The following SLC44A5 variants were observed in gnomAD, a reference collection of about 807,000 sequenced individuals.
SLC44A5 encodes choline transporter-like protein 5.
In SLC44A5, 57 loss-of-function variants were observed where a neutral mutation model predicts 101.8. That is an observed-to-expected ratio of 0.56 (90% CI 0.45 to 0.70). SLC44A5 has a LOEUF of 0.70. Among genes scored for constraint, SLC44A5 ranks in the 30% least tolerant of loss-of-function variants. The pLI is 0.00. For synonymous variants in SLC44A5, 281 were observed against 290.9 expected, an observed-to-expected ratio of 0.97 and a Z score of 0.35; for missense variants, 737 against 853.1, an observed-to-expected ratio of 0.86 and a Z score of 1.70.
intron 14 of SLC44A5, among the ~76,000 whole-genome samples, chr1:75,221,546 G>T (rs543697993): frequency 2.0e-5 from 3 of 152,142 alleles, no homozygotes; most frequent in African/African-American, 7.2e-5. Flanking sequence ...ATAGTCTGGT[G>T]CTCCTAGAAT....
intron 5 of SLC44A5, among the ~76,000 whole-genome samples, chr1:75,285,040 G>C (rs537315890): frequency 6.6e-6 from 1 of 151,940 alleles, no homozygotes; most frequent in African/African-American, 2.4e-5. Flanking sequence ...GATTTAGAAG[G>C]TTCCCTCTTT....
intron 5 of SLC44A5, among the ~76,000 whole-genome samples, chr1:75,279,027 C>T (rs1652165801): frequency 6.6e-6 from 1 of 152,014 alleles, no homozygotes. Context: ...TATCTATCAC[C>T]TCAAACCTTT....
At chr1:75,401,646 G>A (rs1457947527) in intron 2 of SLC44A5, among the ~76,000 whole-genome samples, 2 of 152,028 alleles carry the variant, frequency 1.3e-5, no homozygotes, top group Admixed American at 6.6e-5. Context: ...CTAGAGAAGT[G>A]GGATGGGAAG....
intron 4 of SLC44A5, 45 bp from the exon 5 acceptor site, chr1:75,300,730 G>A (rs1654392275): frequency 7.5e-7 from 1 of 1,333,824 alleles, no homozygotes. Flanking sequence ...GGTCCCAAAT[G>A]ACTTCCTGTT....
intron 23 of SLC44A5, chr1:75,205,130 C>T (rs916984573): frequency 1.3e-5 from 2 of 152,138 alleles, no homozygotes; most frequent in African/African-American, 4.8e-5. Context: ...AGCTGGTAGT[C>T]ATTATATATT....
At chr1:75,464,751 T>C (rs541620071) in intron 2 of SLC44A5, among the ~76,000 whole-genome samples, 47 of 152,160 alleles carry the variant, frequency 3.1e-4, no homozygotes, top group African/African-American at 1.1e-3. Context: ...TCAGACAAAA[T>C]AGATTTCAAG....
the SLC44A5 span, among the ~76,000 whole-genome samples, chr1:75,668,854 G>A: frequency 2.0e-5 from 3 of 151,406 alleles, no homozygotes; most frequent in East Asian, 3.9e-4. Context: ...AACTAGCTGG[G>A]TGTGGTACAA....
intron 2 of SLC44A5, among the ~76,000 whole-genome samples, chr1:75,447,412 T>G (rs2101648578): frequency 6.6e-6 from 1 of 152,324 alleles, no homozygotes; most frequent in African/African-American, 2.4e-5. Context: ...CTTCTAATAC[T>G]TTGTTAATAA....
chr1:75,511,087 G>A (rs1669545611), intron 2 of SLC44A5, among the ~76,000 whole-genome samples: 2 of 152,152 alleles, frequency 1.3e-5, no homozygotes, highest in Non-Finnish European at 2.9e-5. Context: ...AGCTTGCAGC[G>A]AGCTGAGATC....
chr1:75,244,456 TCTGAATATTGAACACCTA>T (rs1338445605), intron 7 of SLC44A5, among the ~76,000 whole-genome samples: 1 of 152,132 alleles, frequency 6.6e-6, no homozygotes, highest in Non-Finnish European at 1.5e-5. Flanking sequence ...TTTAAAATTC[TCTGAATATTGAACACCTA>T]TGACACTAAT....
intron 2 of SLC44A5, among the ~76,000 whole-genome samples, chr1:75,450,943 G>T (rs1186992224): frequency 1.3e-5 from 2 of 152,102 alleles, no homozygotes; most frequent in Non-Finnish European, 2.9e-5. Context: ...TTACAGCAAG[G>T]CCTTCTCTGT....
chr1:75,510,281 G>C (rs1669496180), intron 2 of SLC44A5, among the ~76,000 whole-genome samples: 1 of 152,130 alleles, frequency 6.6e-6, no homozygotes, highest in Admixed American at 6.5e-5. Context: ...AAAGTAAGTA[G>C]ACCTTGAAGA....
chr1:75,390,768 C>T (rs755872116), intron 3 of SLC44A5, among the ~76,000 whole-genome samples: 5 of 152,136 alleles, frequency 3.3e-5, no homozygotes, highest in African/African-American at 1.2e-4. Context: ...AAGCATTTCC[C>T]TTGAGGAACT....
chr1:75,348,415 T>C (rs1658409847), intron 3 of SLC44A5, among the ~76,000 whole-genome samples: 1 of 152,074 alleles, frequency 6.6e-6, no homozygotes, highest in Admixed American at 6.6e-5. Flanking sequence ...AGGGCTCAAA[T>C]AGACTGTCCC....
chr1:75,274,008 T>C (rs1651713528), intron 6 of SLC44A5, among the ~76,000 whole-genome samples: 1 of 152,120 alleles, frequency 6.6e-6, no homozygotes, highest in Non-Finnish European at 1.5e-5. Context: ...ATTTTGGACT[T>C]TTTTGTTGTC....
At chr1:75,391,599 C>T (rs1661793274) in intron 3 of SLC44A5, among the ~76,000 whole-genome samples, 2 of 152,042 alleles carry the variant, frequency 1.3e-5, no homozygotes, top group South Asian at 4.1e-4. Context: ...TTCAACAAAG[C>T]CAACAATAAT....
At chr1:75,219,588 T>A (rs566365618) in intron 15 of SLC44A5, among the ~76,000 whole-genome samples, 24 of 152,246 alleles carry the variant, frequency 1.6e-4, no homozygotes, top group African/African-American at 5.3e-4. Context: ...AGCAGTATCA[T>A]GTGGAGACAA....
Position 75,363,327 on chromosome 1 carries a change from A to T in SLC44A5, c.53-23697T>A, listed in dbSNP as rs551070274. On this transcript the variant is annotated intron_variant, in intron 3 of 23. Coordinates refer to ENST00000370859, the MANE Select transcript of SLC44A5 (RefSeq NM_001130058.2). ...AATTATTAATAGGTAAGGATGTATTATTGCCATTTTAAAGTTATTTTTGGT... is the reference window on the plus strand; with the variant it reads ...AATTATTAATAGGTAAGGATGTATTTTTGCCATTTTAAAGTTATTTTTGGT... 9.2e-5 allele frequency among the ~76,000 whole-genome samples: 14 copies of T among 151,936 alleles called. No homozygotes were observed. In the South Asian group the frequency reaches 2.9e-3, roughly 31 times the overall value.
At chr1:75,346,844 C>A (rs560244222) in intron 3 of SLC44A5, among the ~76,000 whole-genome samples, 1 of 152,014 alleles carries the variant, frequency 6.6e-6, no homozygotes, top group African/African-American at 2.4e-5. Context: ...AAAGGTTATG[C>A]AATTCATTAT....
Sources: allele counts gnomAD v4.1 joint callset (sites outside exome capture counted in the v4.1 genomes callset), GRCh38; gene constraint gnomAD v4.1.1; transcripts MANE v1.5; gene names NCBI Gene and HGNC (gene_info 2026-07-23, HGNC 2026-07-21).